LUC7L: variants seen among roughly 807,000 people sequenced by gnomAD.
LUC7L encodes LUC7 like.
Under a neutral mutation model 51.1 loss-of-function variants are expected in LUC7L, and 29 were observed. The observed-to-expected ratio is 0.57, with a 90% CI of 0.42 to 0.77. The LOEUF (loss-of-function observed/expected upper bound fraction) is 0.77. Among genes scored for constraint, LUC7L ranks in the 30% least tolerant of loss-of-function variants. The probability of loss-of-function intolerance (pLI) is 0.00; values close to 1 mark genes in which losing one functional copy is unlikely to be tolerated. For synonymous variants in LUC7L, 181 were observed against 180.7 expected (o/e 1.00, Z -0.01); for missense variants, 403 against 511.9 (o/e 0.79, Z 2.05).
At chr16:219,032 A>G (rs1171587677) in intron 3 of LUC7L, among the ~76,000 whole-genome samples, 1 of 151,758 alleles carries the variant, frequency 6.6e-6, no homozygotes, top group Non-Finnish European at 1.5e-5. Context: ...GAAGAGGTCA[A>G]GGTTACAGCA....
intron 2 of LUC7L, among the ~76,000 whole-genome samples, chr16:221,763 G>C (rs990888811): frequency 2.0e-5 from 3 of 152,118 alleles, no homozygotes; most frequent in Non-Finnish European, 4.4e-5. Flanking sequence ...CAAATTTCTA[G>C]GCATTGTCTT....
At chr16:228,505 C>T (rs2050182666) in intron 1 of LUC7L, 1 of 1,228,830 alleles carries the variant, frequency 8.1e-7, no homozygotes, top group African/African-American at 1.6e-5. Flanking sequence ...AGCTAAAAAG[C>T]ACTTATTCAC....
At chr16:205,928 G>T in intron 5 of LUC7L, 76 bp downstream of exon 5, 2 of 1,511,944 alleles carry the variant, frequency 1.3e-6, no homozygotes, top group Non-Finnish European at 1.8e-6. Context: ...AGCAAGCATG[G>T]GCTCAATTAA....
chr16:206,778 G>A (rs538411554), intron 4 of LUC7L, among the ~76,000 whole-genome samples: 1 of 151,740 alleles, frequency 6.6e-6, no homozygotes, highest in South Asian at 2.1e-4. Flanking sequence ...ACATGCAGAG[G>A]CTGGGCATGC....
chr16:192,529 A>G (rs1471811819), intron 7 of LUC7L, among the ~76,000 whole-genome samples: 5 of 130,864 alleles, frequency 3.8e-5, no homozygotes, highest in African/African-American at 1.2e-4. Context: ...TTTGGTTGAG[A>G]TGGAGTCTCT....
chr16:221,186 A>ATTTTTTTTTTTTTTTT (rs372906826), intron 2 of LUC7L, among the ~76,000 whole-genome samples: 14 of 101,246 alleles, frequency 1.4e-4, no homozygotes, highest in East Asian at 3.4e-4. Context: ...CACCCAGCTA[A>ATTTTTTTTTTTTTTTT]TTTTTTTTTT....
At chr16:189,929 A>G in intron 9 of LUC7L, 39 bp downstream of exon 9, 1 of 1,582,228 alleles carries the variant, frequency 6.3e-7, no homozygotes, top group Non-Finnish European at 8.6e-7. Context: ...AGAAGGGCTC[A>G]CTCCTGGTTG....
Position 208,186 on chromosome 16 carries a change from T to G in LUC7L, c.258A>C (p.Ala86=), listed in dbSNP as rs2049538822. 2 of 1,606,288 alleles carry G rather than the reference T, an allele frequency of 1.2e-6. No individual in the cohort carries two copies. Among genetic ancestry groups the G allele is most frequent in the East Asian group, 4.5e-5 (2 of 44,840 alleles). Residue 86 remains alanine (A), a splice_region_variant and synonymous_variant, in exon 4 of 10, where the codon GCA becomes GCC. Coordinates refer to ENST00000293872, the MANE Select transcript of LUC7L (RefSeq NM_201412.3). The part of the protein sequence containing the change: ...KERDLFFELD[A]MDHLESFIAE... ...CAATAAAGGACTCCAAGTGATCCAT[T>G]GCCTAGCACGGGAAAAGCACAGCGC...
In LUC7L at chr16:229,396, G is replaced by T; in HGVS notation, c.-57C>A. 7.1e-7 allele frequency: 1 copy of T among 1,408,924 alleles called. No homozygotes were observed. The highest frequency in any genetic ancestry group is 9.4e-7 in the Non-Finnish European group (1 of 1,068,822). The allele number at this position is 1,408,924 out of a possible 1,614,324, so 87.3% of individuals were successfully genotyped here. On this transcript the variant is annotated 5_prime_UTR_variant, in exon 1 of 10. Transcript: ENST00000293872. ...GACGACTTCTCTCAGGCAGGCGGTG[G>T]CAGCGGCGTCGACAAACGATGGTCG...
chr16:189,297 G>C lies in LUC7L; in HGVS notation c.1017C>G (p.Ser339Arg), dbSNP rs762557885. 2 of 1,612,778 alleles carry C rather than the reference G, an allele frequency of 1.2e-6. No homozygotes were observed. The highest frequency in any genetic ancestry group is 4.5e-5 in the East Asian group (2 of 44,880). ...ERASREESWE[S>R]GRSERGPPDW... ...CCGGGGGCCCTCGCTCGCTCCGCCCGCTCTCCCAGGACTCCTCTCTGGATG... is the reference window on the plus strand; with the variant it reads ...CCGGGGGCCCTCGCTCGCTCCGCCCCCTCTCCCAGGACTCCTCTCTGGATG... Residue 339 changes from serine to arginine, a missense_variant, in exon 10 of 10, where the codon AGC (serine) becomes AGG (arginine). Around this residue, in one of 3 missense-constraint regions of LUC7L, gnomAD observed 206 missense variants for 218.3 expected, o/e 0.94. Coordinates refer to ENST00000293872, the MANE Select transcript of LUC7L (RefSeq NM_201412.3).
intron 6 of LUC7L, among the ~76,000 whole-genome samples, chr16:197,462 C>A (rs1468151167): frequency 6.6e-6 from 1 of 152,164 alleles, no homozygotes; most frequent in Non-Finnish European, 1.5e-5. Context: ...CCACCTGCCT[C>A]GGCCTCCCGA....
chr16:216,380 G>GTTTTTTT (rs34292372), intron 3 of LUC7L, among the ~76,000 whole-genome samples: 1 of 107,306 alleles, frequency 9.3e-6, no homozygotes, highest in African/African-American at 3.7e-5. Flanking sequence ...TCAAATAGTT[G>GTTTTTTT]TTTTTTTTTT....
At chr16:225,505 A>T (rs1401184362) in intron 2 of LUC7L, among the ~76,000 whole-genome samples, 20 of 66,286 alleles carry the variant, frequency 3.0e-4, no homozygotes, top group Admixed American at 5.2e-4. Flanking sequence ...TTTTTTTTTG[A>T]GACAGAGTTT....
intron 5 of LUC7L, 39 bp downstream of exon 5, chr16:205,965 C>T (rs965779240): frequency 3.7e-5 from 59 of 1,580,486 alleles, no homozygotes; most frequent in Non-Finnish European, 4.0e-5. Context: ...TGCCAAATTA[C>T]TAAGATTTCT....
chr16:223,811 AG>A (rs1309086184), intron 2 of LUC7L, among the ~76,000 whole-genome samples: 3 of 151,856 alleles, frequency 2.0e-5, no homozygotes, highest in Non-Finnish European at 4.4e-5. Flanking sequence ...CTGGGACTAC[AG>A]GGGCACGCCA....
chr16:209,216 C>A, intron 3 of LUC7L: 1 of 152,048 alleles, frequency 6.6e-6, no homozygotes, highest in Non-Finnish European at 1.5e-5. Context: ...AAAGGCAGGG[C>A]CCAGTGGCTC....
rs376387063 is a variant in LUC7L at position 225,474 on chromosome 16, G to A, written c.156+1768C>T. ...GCACTCCAGCCTGGGCAACAAGAGC[G>A]AAACTCCGTCTCTTTTTTTTTTTTT... is the stretch of plus-strand genomic sequence containing the variant. On this transcript the variant is annotated intron_variant, in intron 2 of 9. Coordinates refer to ENST00000293872, the MANE Select transcript of LUC7L (RefSeq NM_201412.3). 8.8e-3 allele frequency among the ~76,000 whole-genome samples: 1,207 copies of A among 137,646 alleles called. 16 individuals carry two copies. The highest frequency in any genetic ancestry group is 0.031 in the African/African-American group (1,160 of 37,426). 90.3% of individuals were successfully genotyped at this position (137,646 alleles called of 152,430 possible).
intron 7 of LUC7L, 123 bp downstream of exon 7, chr16:192,804 T>C (rs1248373375): frequency 5.8e-6 from 5 of 866,294 alleles, no homozygotes; most frequent in Admixed American, 1.9e-5. Flanking sequence ...GGCCTGGCCT[T>C]ACTATTTTCT....
chr16:202,297 G>A (rs2049356416), intron 5 of LUC7L, among the ~76,000 whole-genome samples: 1 of 152,030 alleles, frequency 6.6e-6, no homozygotes, highest in Non-Finnish European at 1.5e-5. Flanking sequence ...CAGCTCTGAG[G>A]TGAACTCACT....
Sources: gnomAD v4.1 joint callset for allele counts (sites outside exome capture counted in the v4.1 genomes callset) on GRCh38, gnomAD v4.1.1 for gene constraint, gnomAD v4.1.1 regional missense constraint, MANE v1.5 for transcripts, NCBI Gene and HGNC (gene_info 2026-07-23, HGNC 2026-07-21) for gene names.